The following SLC24A2 variants were observed in gnomAD, a reference collection of about 807,000 sequenced individuals.
SLC24A2 encodes the protein solute carrier family 24 member 2, also known as sodium/potassium/calcium exchanger 2.
In SLC24A2, 36 loss-of-function variants were observed where a neutral mutation model predicts 62.0. That is an observed-to-expected ratio of 0.58 (90% confidence interval 0.44 to 0.77). The LOEUF (loss-of-function observed/expected upper bound fraction) is 0.77. Ranked by LOEUF, SLC24A2 falls within the 30% of genes least tolerant of loss-of-function variation. The pLI is 0.00. For synonymous variants in SLC24A2, 358 were observed against 294.0 expected, an observed-to-expected ratio of 1.22 and a Z score of -2.23; for missense variants, 846 against 817.9, an observed-to-expected ratio of 1.03 and a Z score of -0.42.
chr9:19,726,093 A>G (rs956132027), intron 2 of SLC24A2, among the ~76,000 whole-genome samples: 3 of 152,202 alleles, frequency 2.0e-5, no homozygotes, highest in Non-Finnish European at 4.4e-5. Flanking sequence ...CTGAAGAATG[A>G]AAGCGGAGTC....
At chr9:20,196,775 G>A in the SLC24A2 span, among the ~76,000 whole-genome samples, 33 of 152,264 alleles carry the variant, frequency 2.2e-4, no homozygotes, top group African/African-American at 7.7e-4. Flanking sequence ...CAAGCTCACT[G>A]TGGAAAAGTT....
chr9:20,078,586 G>T, the SLC24A2 span, among the ~76,000 whole-genome samples: 2 of 152,210 alleles, frequency 1.3e-5, no homozygotes, highest in Admixed American at 6.5e-5. Flanking sequence ...TCCCACCCAG[G>T]CAGGCCATGA....
At chr9:19,735,818 T>A (rs1012191404) in intron 2 of SLC24A2, among the ~76,000 whole-genome samples, 1 of 132,142 alleles carries the variant, frequency 7.6e-6, no homozygotes, top group Non-Finnish European at 1.6e-5. Context: ...TGAGAACACA[T>A]GGACACAGGA....
At chr9:19,944,112 C>T in the SLC24A2 span, among the ~76,000 whole-genome samples, 2 of 151,976 alleles carry the variant, frequency 1.3e-5, no homozygotes, top group Non-Finnish European at 2.9e-5. Context: ...GACTACTAGG[C>T]AGGGGAGGGA....
At chr9:19,845,729 C>G in the SLC24A2 span, among the ~76,000 whole-genome samples, 2 of 152,110 alleles carry the variant, frequency 1.3e-5, no homozygotes, top group Non-Finnish European at 2.9e-5. Context: ...ATGTTTAGTG[C>G]TATAAGCTTT....
chr9:19,626,422 T>A (rs1394643470), intron 2 of SLC24A2, among the ~76,000 whole-genome samples: 1 of 152,226 alleles, frequency 6.6e-6, no homozygotes, highest in East Asian at 1.9e-4. Context: ...CTAAGGGATT[T>A]TTTTTTGGTC....
At chr9:19,656,728 C>A (rs940639939) in intron 2 of SLC24A2, among the ~76,000 whole-genome samples, 1 of 152,196 alleles carries the variant, frequency 6.6e-6, no homozygotes, top group Non-Finnish European at 1.5e-5. Flanking sequence ...TGTGGAGACA[C>A]AGTTTCCCTT....
chr9:19,861,853 G>A, the SLC24A2 span, among the ~76,000 whole-genome samples: 28 of 152,036 alleles, frequency 1.8e-4, no homozygotes, highest in Non-Finnish European at 3.7e-4. Context: ...GAAAGAACTA[G>A]TGAACTTGTT....
At chr9:20,126,987 C>G in the SLC24A2 span, among the ~76,000 whole-genome samples, 15 of 152,248 alleles carry the variant, frequency 9.9e-5, no homozygotes, top group Non-Finnish European at 1.6e-4. Context: ...ATGGATTTGT[C>G]AATTGACATA....
chr9:20,069,762 A>G, the SLC24A2 span, among the ~76,000 whole-genome samples: 3 of 152,142 alleles, frequency 2.0e-5, no homozygotes, highest in Non-Finnish European at 4.4e-5. Context: ...TTTTTACTCA[A>G]CATTATATTT....
the SLC24A2 span, among the ~76,000 whole-genome samples, chr9:19,823,609 T>C: frequency 2.0e-5 from 3 of 150,198 alleles, no homozygotes; most frequent in African/African-American, 7.3e-5. Context: ...AGCCTGGCAA[T>C]AGAGCAAGAC....
At chr9:20,249,704 C>CAAA in the SLC24A2 span, among the ~76,000 whole-genome samples, 3,933 of 76,162 alleles carry the variant, frequency 0.052, 315 homozygotes, top group African/African-American at 0.12. Flanking sequence ...AACTCTGTCT[C>CAAA]AAAAAAAAAA....
At chr9:19,850,269 A>G in the SLC24A2 span, among the ~76,000 whole-genome samples, 8 of 152,300 alleles carry the variant, frequency 5.3e-5, no homozygotes, top group East Asian at 1.9e-4. Context: ...TATAGGTTAT[A>G]CTGCAATAAA....
chr9:19,640,283 AAAG>A (rs1818458455), intron 2 of SLC24A2, among the ~76,000 whole-genome samples: 1 of 152,232 alleles, frequency 6.6e-6, no homozygotes, highest in South Asian at 2.1e-4. Context: ...CTCACTGCAT[AAAG>A]AAGAGCAGAT....
At chr9:19,933,161 G>A in the SLC24A2 span, among the ~76,000 whole-genome samples, 9 of 152,292 alleles carry the variant, frequency 5.9e-5, no homozygotes, top group African/African-American at 1.9e-4. Context: ...GGCTTATAGT[G>A]GGCACTTTGC....
chr9:19,580,404 T>C (rs1836166817), intron 5 of SLC24A2, among the ~76,000 whole-genome samples: 1 of 152,230 alleles, frequency 6.6e-6, no homozygotes, highest in Non-Finnish European at 1.5e-5. Flanking sequence ...ACAAACCAGA[T>C]TCGCTGATTC....
intron 7 of SLC24A2, among the ~76,000 whole-genome samples, chr9:19,556,344 G>A (rs758825361): frequency 6.6e-6 from 1 of 152,186 alleles, no homozygotes; most frequent in Non-Finnish European, 1.5e-5. Flanking sequence ...TGCCTCAGAA[G>A]CCAGAAAAAT....
chr9:20,127,734 G>A, the SLC24A2 span, among the ~76,000 whole-genome samples: 1 of 152,156 alleles, frequency 6.6e-6, no homozygotes, highest in Non-Finnish European at 1.5e-5. Flanking sequence ...TTAGGGAACA[G>A]TCATGGCAAG....
chr9:19,934,485 T>C, the SLC24A2 span, among the ~76,000 whole-genome samples: 3 of 150,534 alleles, frequency 2.0e-5, no homozygotes, highest in Admixed American at 6.6e-5. This position sits in a 1 kb window ranked among gnomAD's most constrained non-coding sequence, Gnocchi z 4.1. Context: ...CTGGCCCCCA[T>C]TGCAGCTCCC....
Sources: allele counts gnomAD v4.1 joint callset (sites outside exome capture counted in the v4.1 genomes callset), GRCh38; gene constraint gnomAD v4.1.1; non-coding constraint Gnocchi (gnomAD v3.1); transcripts MANE v1.5; gene names NCBI Gene and HGNC (gene_info 2026-07-23, HGNC 2026-07-21).